Variants in NMD3 observed in about 807,000 individuals in gnomAD.
NMD3 encodes the protein NMD3 ribosome export adaptor.
Under a neutral mutation model 73.1 loss-of-function variants are expected in NMD3, and 47 were observed. That is an observed-to-expected ratio of 0.64 (90% CI 0.51 to 0.82). The LOEUF (loss-of-function observed/expected upper bound fraction) is 0.82. Among genes scored for constraint, NMD3 ranks in the 40% least tolerant of loss-of-function variants. The probability of loss-of-function intolerance (pLI) is 0.00; values close to 1 mark genes in which losing one functional copy is unlikely to be tolerated. For missense variants in NMD3, 554 were observed against 612.5 expected, an observed-to-expected ratio of 0.90 and a Z score of 1.01; for synonymous variants, 210 against 194.5, an observed-to-expected ratio of 1.08 and a Z score of -0.66.
intron 7 of NMD3, among the ~76,000 whole-genome samples, chr3:161,236,437 C>A (rs928051168): frequency 2.6e-5 from 4 of 151,974 alleles, no homozygotes; most frequent in Non-Finnish European, 4.4e-5. Context: ...TAATGACTAA[C>A]GATGTTGAGC....
intron 11 of NMD3, among the ~76,000 whole-genome samples, chr3:161,245,057 C>T (rs900070424): frequency 6.6e-6 from 1 of 151,900 alleles, no homozygotes; most frequent in African/African-American, 2.4e-5. Context: ...GTTTATAACC[C>T]ATATCTGAAA....
At chr3:161,223,457 C>A (rs1402158888) in intron 2 of NMD3, among the ~76,000 whole-genome samples, 1 of 150,622 alleles carries the variant, frequency 6.6e-6, no homozygotes, top group Non-Finnish European at 1.5e-5. Context: ...AAAAAAAATT[C>A]TGCTATGGGT....
chr3:161,247,291 G>C lies in NMD3; in HGVS notation c.1164G>C (p.Glu388Asp). The C allele has an allele frequency of 6.2e-7, 1 of 1,612,086 alleles. No individual in the cohort carries two copies. The highest frequency in any genetic ancestry group is 1.1e-5 in the South Asian group (1 of 91,024). ...FDLANCNLNDEHVNKMNSDRV... is the reference protein window; with the variant it reads ...FDLANCNLNDDHVNKMNSDRV... ...TGGCCAACTGTAACTTAAATGATGAGCATGTCAACAAAATGAACTCAGATA... is the reference window on the plus strand; with the variant it reads ...TGGCCAACTGTAACTTAAATGATGACCATGTCAACAAAATGAACTCAGATA... The change falls in exon 13 of 16, where the codon GAG becomes GAC. Residue 388 changes from glutamate to aspartate, a missense_variant. By Grantham distance (45) the Glu-to-Asp change is conservative. Transcript: ENST00000351193.
intron 4 of NMD3, among the ~76,000 whole-genome samples, chr3:161,232,426 A>G (rs994630704): frequency 3.9e-5 from 6 of 152,142 alleles, no homozygotes; most frequent in Non-Finnish European, 7.4e-5. Flanking sequence ...GACCAATTGT[A>G]TCTTACTGTT....
Position 161,222,157 on chromosome 3 carries a change from G to C in NMD3, c.44+100G>C, listed in dbSNP as rs528257361. On this transcript the variant is annotated intron_variant, in intron 2 of 15. Transcript: ENST00000351193. The stretch of plus-strand genomic sequence containing the variant: ...CGCTTGAGGGTGGGTGGGAAAGAGC[G>C]TATATTGTCATAAATGGGAAAAAAT... 5.0e-4 allele frequency: 459 copies of C among 914,146 alleles called. No individual in the cohort carries two copies. The African/African-American group carries it at 7.2e-3, about 14-fold the overall frequency. The allele number at this position is 914,146 out of a possible 1,614,324, so 56.6% of individuals were successfully genotyped here.
chr3:161,252,503 A>G (rs1219213810), downstream of NMD3, among the ~76,000 whole-genome samples: 1 of 152,170 alleles, frequency 6.6e-6, no homozygotes, highest in Non-Finnish European at 1.5e-5. Flanking sequence ...TTCTTGGTTG[A>G]AAGGCTGTGA....
At chr3:161,227,437 A>ATTTTTTTTTTTTTTTTTTTTTTTTTTT (rs55825529) in intron 4 of NMD3, 94 bp downstream of exon 4, 3 of 324,474 alleles carry the variant, frequency 9.2e-6, no homozygotes, top group African/African-American at 3.0e-5. Flanking sequence ...TTCAAAAGGA[A>ATTTTTTTTTTTTTTTTTTTTTTTTTTT]TTTTTTTTTT....
At chr3:161,225,485 C>T (rs762514918) in intron 3 of NMD3, among the ~76,000 whole-genome samples, 5 of 151,738 alleles carry the variant, frequency 3.3e-5, no homozygotes, top group South Asian at 2.1e-4. Flanking sequence ...ATAACATTCA[C>T]GTGTAATTAA....
chr3:161,242,477 TTA>T (rs1401583656), intron 10 of NMD3, 29 bp from the exon 11 acceptor site: 1 of 1,590,008 alleles, frequency 6.3e-7, no homozygotes, highest in Non-Finnish European at 8.6e-7. Context: ...ATAATTTTTC[TTA>T]TGTTTTTGTG....
Position 161,227,272 on chromosome 3 carries a change from A to G in NMD3, c.205A>G (p.Ile69Val), listed in dbSNP as rs755353137. 5.0e-6 allele frequency: 8 copies of G among 1,611,640 alleles called. No homozygotes were observed. The highest frequency in any genetic ancestry group is 5.9e-6 in the Non-Finnish European group (7 of 1,178,724). The part of the protein sequence containing the change: ...QRYFQPPGTW[I>V]QCALESRELL... ...GTATTTTCAACCACCAGGAACTTGG[A>G]TACAGTGTGCTTTAGAATCCAGGGA... Residue 69 changes from isoleucine to valine, a missense_variant, in exon 4 of 16, where the codon ATA becomes GTA. Ile to Val is a conservative substitution (Grantham distance 29, BLOSUM62 3). Transcript: ENST00000351193.
In NMD3 at chr3:161,251,593, T is replaced by G. The variant is rs1737489382; in HGVS notation, c.*683T>G. ...TATTTAAAGGTTAAATAACAATTTG[T>G]TCTTTTGTTGTTTTTGCCAGTTTAG... On this transcript the variant is annotated 3_prime_UTR_variant, in exon 16 of 16. Coordinates refer to ENST00000351193, the MANE Select transcript of NMD3 (RefSeq NM_015938.5). 6.6e-6 allele frequency: 1 copy of G among 152,214 alleles called. No homozygotes were observed. The highest frequency in any genetic ancestry group is 2.4e-5 in the African/African-American group (1 of 41,468). The allele number at this position is 152,214 out of a possible 1,614,324, so 9.4% of individuals were successfully genotyped here.
Position 161,249,668 on chromosome 3 carries a change from A to G in NMD3, c.1310+108A>G, listed in dbSNP as rs902211907. 7 of 738,118 alleles carry G rather than the reference A, an allele frequency of 9.5e-6. No homozygotes were observed. The Admixed American group carries it at 1.3e-4, about 14-fold the overall frequency. The allele number at this position is 738,118 out of a possible 1,614,324, so 45.7% of individuals were successfully genotyped here. On this transcript the variant is annotated intron_variant, in intron 14 of 15. Coordinates refer to ENST00000351193, the MANE Select transcript of NMD3 (RefSeq NM_015938.5). ...ATCACACAATTGATCCTTGCACTCA[A>G]TTATAATCTTGGATTCTTATCAAGG...
chr3:161,231,456 C>T (rs1736542798), intron 4 of NMD3, among the ~76,000 whole-genome samples: 1 of 152,090 alleles, frequency 6.6e-6, no homozygotes, highest in South Asian at 2.1e-4. Context: ...TGGGGATCAC[C>T]TGTGTGGATA....
chr3:161,232,687 A>G (rs1295970670), intron 4 of NMD3, among the ~76,000 whole-genome samples: 1 of 152,122 alleles, frequency 6.6e-6, no homozygotes, highest in Non-Finnish European at 1.5e-5. Flanking sequence ...TGTGCAGATA[A>G]ATCTTACAGA....
At chr3:161,241,908 T>C (rs1302215748) in intron 10 of NMD3, among the ~76,000 whole-genome samples, 2 of 152,132 alleles carry the variant, frequency 1.3e-5, no homozygotes, top group Non-Finnish European at 2.9e-5. Flanking sequence ...ACATTGTCTA[T>C]AGAATAAATT....
In NMD3 at chr3:161,248,141, C is replaced by T. The variant is rs542821397; in HGVS notation, c.1203+811C>T. 7.9e-5 allele frequency among the ~76,000 whole-genome samples: 12 copies of T among 152,056 alleles called. No homozygotes were observed. The South Asian group carries it at 2.3e-3, about 29-fold the overall frequency. On this transcript the variant is annotated intron_variant, in intron 13 of 15. Coordinates refer to ENST00000351193, the MANE Select transcript of NMD3 (RefSeq NM_015938.5). ...AATCCAAGATTTATTGTGATTGTTCCTTTTCTAATCACATTTTCATTCTCG... is the reference window on the plus strand; with the variant it reads ...AATCCAAGATTTATTGTGATTGTTCTTTTTCTAATCACATTTTCATTCTCG...
In NMD3 at chr3:161,242,596, A is replaced by G; in HGVS notation, c.960A>G (p.Glu320=). The change falls in exon 11 of 16, where the codon GAA becomes GAG. Residue 320 remains glutamate, a synonymous_variant. Transcript: ENST00000351193. ...AGCTAGAGGAGTTTATTGTGATGGA[A>G]TGCAGCATAGTCCAAGATATAAAAC... The part of the protein sequence containing the change: ...PKQLEEFIVM[E]CSIVQDIKRA... 6.2e-7 allele frequency: 1 copy of G among 1,613,728 alleles called. No homozygotes were observed. The highest frequency in any genetic ancestry group is 8.5e-7 in the Non-Finnish European group (1 of 1,179,778).
At chr3:161,237,399 A>G (rs1289521028) in intron 7 of NMD3, among the ~76,000 whole-genome samples, 2 of 151,962 alleles carry the variant, frequency 1.3e-5, no homozygotes, top group Admixed American at 6.6e-5. Context: ...GTCCTATTCT[A>G]GTCCTTCACA....
At position 161,250,770 on chromosome 3, in the gene NMD3, AT is replaced by A; in HGVS notation, c.1382-3del. ...TTTGTATTTATTTTATTCTCTTTGT[AT>A]TTTTTTAGATTCAGCCATCCCTGTG... is the stretch of plus-strand genomic sequence containing the variant. On this transcript the variant is annotated splice_polypyrimidine_tract_variant and intron_variant, in intron 15 of 15. Transcript: ENST00000351193. 3.8e-6 allele frequency: 6 copies of A among 1,578,228 alleles called. No homozygotes were observed. Among genetic ancestry groups the A allele is most frequent in the Non-Finnish European group, 5.2e-6 (6 of 1,150,910 alleles).
Sources: gnomAD v4.1 joint callset for allele counts (sites outside exome capture counted in the v4.1 genomes callset) on GRCh38, gnomAD v4.1.1 for gene constraint, MANE v1.5 for transcripts, NCBI Gene and HGNC (gene_info 2026-07-23, HGNC 2026-07-21) for gene names.